AP1B1: variants seen among roughly 807,000 people sequenced by gnomAD.
The protein encoded by AP1B1 is adaptor related protein complex 1 subunit beta 1.
AP1B1 carries 36 observed loss-of-function variants against 104.3 expected under a neutral mutation model. That is an observed-to-expected ratio of 0.35 (90% confidence interval 0.26 to 0.46). AP1B1 has a LOEUF of 0.46. AP1B1 is among the 20% of genes least tolerant of loss of function. AP1B1 has a pLI of 1.00. For missense variants in AP1B1, 901 were observed against 1,247.9 expected, an observed-to-expected ratio of 0.72 and a Z score of 4.19; for synonymous variants, 504 against 517.5, an observed-to-expected ratio of 0.97 and a Z score of 0.35.
In AP1B1 at chr22:29,341,713, G is replaced by T. The variant is rs779977496; in HGVS notation, c.1584C>A (p.Arg528=). ...DLRDRGYIYW[R]LLSTDPVAAK... ...CTGCCACCGGGTCCGTGGACAGCAG[G>T]CGCCAGTAGATGTAGCCACGGTCCC... Residue 528 remains arginine (R), a synonymous_variant, in exon 13 of 23, where the codon CGC becomes CGA. Transcript: ENST00000357586. 6.2e-7 allele frequency: 1 copy of T among 1,613,902 alleles called. No individual in the cohort carries two copies. The highest frequency in any genetic ancestry group is 8.5e-7 in the Non-Finnish European group (1 of 1,179,782).
At chr22:29,355,491 T>C (rs1034818227) in intron 6 of AP1B1, among the ~76,000 whole-genome samples, 8 of 152,200 alleles carry the variant, frequency 5.3e-5, no homozygotes, top group Middle Eastern at 6.8e-3. Flanking sequence ...ATGTTTTTTG[T>C]AGGAGAAAGA....
In AP1B1 at chr22:29,330,500, T is replaced by C; in HGVS notation, c.2644A>G (p.Ile882Val). The change falls in exon 21 of 23, where the codon ATC (isoleucine) becomes GTC (valine). Residue 882 changes from isoleucine to valine, a missense_variant. Transcript: ENST00000357586. ...AASSKLQSSN[I>V]FTVAKRNVEG... Reference sequence around the variant, plus strand: ...ACGTTCCTCTTGGCGACAGTGAAGATGTTGCTGCTCTGCAGCTTGCTGCTC... The same window carrying C: ...ACGTTCCTCTTGGCGACAGTGAAGACGTTGCTGCTCTGCAGCTTGCTGCTC... 4 of 1,612,694 alleles carry C rather than the reference T, an allele frequency of 2.5e-6. No homozygotes were observed. The highest frequency in any genetic ancestry group is 3.4e-6 in the Non-Finnish European group (4 of 1,178,856).
rs766149155 is a variant in AP1B1, at chr22:29,356,439, G to A, written c.703C>T (p.Arg235Cys). 1.1e-5 allele frequency: 18 copies of A among 1,613,306 alleles called. No individual in the cohort carries two copies. The highest frequency in any genetic ancestry group is 8.0e-5 in the African/African-American group (6 of 74,912). The change falls in exon 6 of 23, where the codon CGC becomes TGC. Residue 235 changes from arginine (R) to cysteine (C), a missense_variant. Transcript: ENST00000357586. ...CLANYMPKDD[R>C]EAQSICERVT... ...CAGCCCGCTCACCTCTGGGCCTCGC[G>A]GTCGTCCTTGGGCATATAGTTGGCG...
intron 1 of AP1B1, among the ~76,000 whole-genome samples, chr22:29,378,552 C>G (rs1450503818): frequency 2.1e-5 from 1 of 48,484 alleles, no homozygotes; most frequent in African/African-American, 8.2e-5. Context: ...AACTCCGTAT[C>G]AAAAAAAAAA....
chr22:29,360,034 T>C, intron 3 of AP1B1, 75 bp from the exon 4 acceptor site: 1 of 1,521,988 alleles, frequency 6.6e-7, no homozygotes, highest in Admixed American at 1.8e-5. Flanking sequence ...TGCTAACTAG[T>C]GGGTGAGAGG....
At position 29,328,802 on chromosome 22, in the gene AP1B1, G is replaced by GCGGGCAGAAGGC. The variant is rs772121462; in HGVS notation, c.*18_*19insGCCTTCTGCCCG. On this transcript the variant is annotated 3_prime_UTR_variant, in exon 23 of 23. Coordinates refer to ENST00000357586, the MANE Select transcript of AP1B1 (RefSeq NM_001127.4). This position sits in a 1 kb window ranked among gnomAD's most constrained non-coding sequence, Gnocchi z 4.1. ...TCGATGGGGCGGGCAGAAGGCTGGG[G>GCGGGCAGAAGGC]TGGGCGCTGGCCGGGGTCTCAGTTC... The GCGGGCAGAAGGC allele has an allele frequency of 4.9e-5, 78 of 1,598,700 alleles. No individual in the cohort carries two copies. In the African/African-American group the frequency reaches 9.9e-4, roughly 20 times the overall value.
chr22:29,338,486 C>A (rs937274868), intron 16 of AP1B1, among the ~76,000 whole-genome samples: 1 of 152,226 alleles, frequency 6.6e-6, no homozygotes, highest in Non-Finnish European at 1.5e-5. Flanking sequence ...GATACATACA[C>A]TTGTATTCTC....
intron 9 of AP1B1, 23 bp from the exon 10 acceptor site, chr22:29,350,173 G>A (rs1490293598): frequency 1.2e-6 from 2 of 1,601,016 alleles, no homozygotes; most frequent in East Asian, 2.2e-5. Flanking sequence ...AGAAGAGTGT[G>A]GGCGAGGTCC....
chr22:29,349,412 G>A, intron 10 of AP1B1, 29 bp from the exon 11 acceptor site: 1 of 1,609,918 alleles, frequency 6.2e-7, no homozygotes, highest in Non-Finnish European at 8.5e-7. Context: ...GTTGGTATGG[G>A]AGCCCTCAAG....
intron 11 of AP1B1, among the ~76,000 whole-genome samples, chr22:29,347,533 C>T (rs933040699): frequency 6.6e-6 from 1 of 152,140 alleles, no homozygotes; most frequent in Non-Finnish European, 1.5e-5. Context: ...ACACTTGGAC[C>T]CACGGGATTA....
chr22:29,339,875 G>A (rs1185211405), intron 14 of AP1B1, 101 bp from the exon 15 acceptor site: 8 of 1,278,626 alleles, frequency 6.3e-6, no homozygotes, highest in Non-Finnish European at 8.9e-6. Context: ...GGGAAAGAGG[G>A]AGATTAGTCA....
chr22:29,335,883 G>A (rs370230924), intron 16 of AP1B1, among the ~76,000 whole-genome samples: 40 of 152,258 alleles, frequency 2.6e-4, no homozygotes, highest in Non-Finnish European at 5.0e-4. Flanking sequence ...GCTGTGCCAC[G>A]GCGGCTGAGA....
In AP1B1 at chr22:29,341,697, G is replaced by A. The variant is rs750013781; in HGVS notation, c.1600C>T (p.Pro534Ser). The change falls in exon 13 of 23, where the codon CCG (proline) becomes TCG (serine). Residue 534 changes from proline (P) to serine (S), a missense_variant. By Grantham distance (74) the Pro-to-Ser change is moderately conservative. Around this residue, in one of 3 missense-constraint regions of AP1B1, gnomAD observed 471 missense variants for 696.7 expected, o/e 0.68. Transcript: ENST00000357586. Reference protein sequence around the residue: ...YIYWRLLSTDPVAAKEVVLAE... With the variant: ...YIYWRLLSTDSVAAKEVVLAE... ...AACACCACCTCCTTGGCTGCCACCG[G>A]GTCCGTGGACAGCAGGCGCCAGTAG... is the stretch of plus-strand genomic sequence containing the variant. 6.2e-7 allele frequency: 1 copy of A among 1,614,040 alleles called. No individual in the cohort carries two copies. Among genetic ancestry groups the A allele is most frequent in the African/African-American group, 1.3e-5 (1 of 74,946 alleles).
chr22:29,360,130 A>G (rs1163540871), intron 3 of AP1B1, among the ~76,000 whole-genome samples, 171 bp from the exon 4 acceptor site: 1 of 152,228 alleles, frequency 6.6e-6, no homozygotes, highest in East Asian at 1.9e-4. Flanking sequence ...ATCAACACCT[A>G]TTGATAGAAA....
chr22:29,335,846 A>G (rs992230202), intron 16 of AP1B1, among the ~76,000 whole-genome samples: 3 of 152,062 alleles, frequency 2.0e-5, no homozygotes, highest in Non-Finnish European at 4.4e-5. Flanking sequence ...ATCTGTGAGG[A>G]CAGAAAGCAC....
chr22:29,382,704 G>A (rs1181246777), intron 1 of AP1B1, among the ~76,000 whole-genome samples: 2 of 152,258 alleles, frequency 1.3e-5, no homozygotes, highest in African/African-American at 4.8e-5. Context: ...CACTGTCTGC[G>A]AAAGAGCCTG....
intron 16 of AP1B1, among the ~76,000 whole-genome samples, chr22:29,338,548 G>A (rs1569152959): frequency 6.6e-6 from 1 of 152,206 alleles, no homozygotes; most frequent in Non-Finnish European, 1.5e-5. Context: ...TTTTTGGAAT[G>A]CTATGTGTAG....
intron 3 of AP1B1, among the ~76,000 whole-genome samples, chr22:29,362,022 G>T (rs532396368): frequency 1.3e-5 from 2 of 152,248 alleles, no homozygotes; most frequent in African/African-American, 4.8e-5. Flanking sequence ...TTGAACTCCT[G>T]ACCTCGTGAT....
At chr22:29,330,798 T>C in intron 19 of AP1B1, 89 bp from the exon 20 acceptor site, 2 of 1,134,060 alleles carry the variant, frequency 1.8e-6, no homozygotes. Context: ...GTCTGGCCTT[T>C]ACTGTGCCAC....
Sources: allele counts gnomAD v4.1 joint callset (sites outside exome capture counted in the v4.1 genomes callset), GRCh38; gene constraint gnomAD v4.1.1; regional missense constraint gnomAD v4.1.1; non-coding constraint Gnocchi (gnomAD v3.1); transcripts MANE v1.5; gene names NCBI Gene and HGNC (gene_info 2026-07-23, HGNC 2026-07-21).